The following SYT1 variants were observed in gnomAD, a reference collection of about 807,000 sequenced individuals.
SYT1 encodes synaptotagmin-1.
Under a neutral mutation model 44.8 loss-of-function variants are expected in SYT1, and 8 were observed. That is an observed-to-expected ratio of 0.18 (90% CI 0.10 to 0.32). SYT1 has a LOEUF of 0.32. SYT1 is among the 10% of genes least tolerant of loss of function. SYT1 has a pLI of 1.00. For synonymous variants in SYT1, 154 were observed against 188.8 expected (o/e 0.82, Z 1.51); for missense variants, 286 against 509.3 (o/e 0.56, Z 4.22).
intron 3 of SYT1, among the ~76,000 whole-genome samples, chr12:79,127,130 T>C (rs887885456): frequency 1.3e-5 from 2 of 152,250 alleles, no homozygotes; most frequent in African/African-American, 4.8e-5. Flanking sequence ...GATCTTCCAC[T>C]GAAAGCAGAC....
intron 1 of SYT1, among the ~76,000 whole-genome samples, chr12:78,937,734 A>G (rs906788378): frequency 2.0e-5 from 3 of 152,170 alleles, no homozygotes; most frequent in African/African-American, 7.2e-5. Context: ...GAATCTTCTC[A>G]ACAAAAAGCC....
intron 8 of SYT1, among the ~76,000 whole-genome samples, chr12:79,336,904 T>C (rs1224112255): frequency 1.3e-5 from 2 of 152,130 alleles, no homozygotes; most frequent in South Asian, 4.1e-4. Context: ...CTCAAACTCC[T>C]GATTTCAAGA....
chr12:79,192,535 G>A (rs1354137226), intron 3 of SYT1, among the ~76,000 whole-genome samples: 2 of 152,090 alleles, frequency 1.3e-5, no homozygotes, highest in African/African-American at 2.4e-5. Flanking sequence ...CTGAGGGTCT[G>A]GAAGTTTACT....
chr12:79,126,766 G>T (rs982127945), intron 3 of SYT1, among the ~76,000 whole-genome samples: 10 of 152,180 alleles, frequency 6.6e-5, no homozygotes, highest in African/African-American at 2.4e-4. Context: ...GGTTTAAGGG[G>T]TACTAGAGAG....
At chr12:78,886,875 A>G (rs1874780898) in intron 1 of SYT1, among the ~76,000 whole-genome samples, 1 of 152,014 alleles carries the variant, frequency 6.6e-6, no homozygotes, top group Non-Finnish European at 1.5e-5. Context: ...CATTCAACAC[A>G]TTTTCATGAT....
intron 2 of SYT1, among the ~76,000 whole-genome samples, chr12:79,014,894 A>G (rs1871698514): frequency 6.6e-6 from 1 of 152,086 alleles, no homozygotes; most frequent in South Asian, 2.1e-4. Context: ...AAAAATGATG[A>G]GTTCATGTCC....
intron 1 of SYT1, among the ~76,000 whole-genome samples, chr12:78,954,917 G>A (rs1334831312): frequency 6.6e-6 from 1 of 152,070 alleles, no homozygotes. Context: ...CTAAGTGAAA[G>A]GGAAGTGATG....
At chr12:78,922,966 G>A (rs1253523001) in intron 1 of SYT1, among the ~76,000 whole-genome samples, 1 of 148,834 alleles carries the variant, frequency 6.7e-6, no homozygotes, top group African/African-American at 2.4e-5. Flanking sequence ...AATCTCCAGA[G>A]CCCATTCCCA....
intron 8 of SYT1, among the ~76,000 whole-genome samples, chr12:79,311,796 C>T (rs1424718087): frequency 1.4e-5 from 2 of 144,518 alleles, no homozygotes; most frequent in Non-Finnish European, 3.0e-5. Context: ...CATGTTCTCA[C>T]TCATAGGTGG....
intron 9 of SYT1, among the ~76,000 whole-genome samples, chr12:79,432,340 T>C (rs1354048302): frequency 1.3e-5 from 2 of 152,080 alleles, no homozygotes; most frequent in Non-Finnish European, 2.9e-5. Flanking sequence ...TTAGGTATTT[T>C]TCCTAATGCT....
At chr12:79,396,780 G>A (rs1252670962) in intron 9 of SYT1, among the ~76,000 whole-genome samples, 1 of 152,070 alleles carries the variant, frequency 6.6e-6, no homozygotes, top group Admixed American at 6.5e-5. Context: ...TTATAATGTT[G>A]GTACTAGGAA....
chr12:78,977,965 G>A (rs1284288080), intron 2 of SYT1, 34 bp downstream of exon 2: 1 of 152,162 alleles, frequency 6.6e-6, no homozygotes, highest in African/African-American at 2.4e-5. Flanking sequence ...GACACATTTT[G>A]TTGATGATCA....
At chr12:79,095,212 A>G (rs1230225648) in intron 3 of SYT1, among the ~76,000 whole-genome samples, 1 of 152,000 alleles carries the variant, frequency 6.6e-6, no homozygotes, top group Non-Finnish European at 1.5e-5. Context: ...AAATAATTCA[A>G]ATAAATTCTT....
intron 3 of SYT1, among the ~76,000 whole-genome samples, chr12:79,055,579 A>G (rs1400963413): frequency 6.6e-6 from 1 of 151,966 alleles, no homozygotes; most frequent in Non-Finnish European, 1.5e-5. Context: ...TGGATAAAAA[A>G]CTGTATTCAA....
chr12:79,359,832 G>A (rs1420497997), intron 9 of SYT1, among the ~76,000 whole-genome samples: 1 of 152,038 alleles, frequency 6.6e-6, no homozygotes, highest in Non-Finnish European at 1.5e-5. Context: ...AGATCATTTA[G>A]GAAAGAGCAA....
chr12:79,418,886 T>C (rs74688717), intron 9 of SYT1, among the ~76,000 whole-genome samples: 2,523 of 152,236 alleles, frequency 0.017, 52 homozygotes, highest in African/African-American at 0.046. Context: ...GTGATATTTG[T>C]AAAATATGAA....
intron 1 of SYT1, among the ~76,000 whole-genome samples, chr12:78,924,024 CAT>C (rs1283608504): frequency 4.0e-5 from 6 of 151,846 alleles, no homozygotes; most frequent in Admixed American, 1.3e-4. Context: ...CGTTTCATGA[CAT>C]AGACATTTTC....
At chr12:79,391,571 A>G (rs1161675980) in intron 9 of SYT1, among the ~76,000 whole-genome samples, 1 of 152,244 alleles carries the variant, frequency 6.6e-6, no homozygotes. Context: ...AAGATGGCGA[A>G]GAGCTAAAGT....
chr12:78,933,942 G>T (rs1877894520), intron 1 of SYT1, among the ~76,000 whole-genome samples: 1 of 152,092 alleles, frequency 6.6e-6, no homozygotes, highest in Non-Finnish European at 1.5e-5. Context: ...CTCAGTAGGA[G>T]AAATTGAGTA....
Sources: gnomAD v4.1 joint callset for allele counts (sites outside exome capture counted in the v4.1 genomes callset) on GRCh38, gnomAD v4.1.1 for gene constraint, MANE v1.5 for transcripts, NCBI Gene and HGNC (gene_info 2026-07-23, HGNC 2026-07-21) for gene names.